The following CPNE7 variants were observed in gnomAD, a reference collection of about 807,000 sequenced individuals.
CPNE7 encodes copine 7.
In CPNE7, 78 loss-of-function variants were observed where a neutral mutation model predicts 66.5. The ratio of observed to expected loss-of-function variants is 1.17; its 90% CI spans 0.98 to 1.42. The LOEUF (loss-of-function observed/expected upper bound fraction) is 1.42. CPNE7 is among the 40% of genes most tolerant of loss of function. CPNE7 has a pLI of 0.00. For synonymous variants in CPNE7, 468 were observed against 336.7 expected (o/e 1.39, Z -4.27); for missense variants, 1,012 against 776.6 (o/e 1.30, Z -3.60).
At chr16:89,576,212 A>T in intron 1 of CPNE7, 141 bp downstream of exon 1, 46 of 548,626 alleles carry the variant, frequency 8.4e-5, no homozygotes, top group East Asian at 1.3e-4. Context: ...GCTCGGGGTC[A>T]GGGTTGGGGG....
chr16:89,577,383 T>C (rs1367489729), intron 1 of CPNE7, among the ~76,000 whole-genome samples, 156 bp from the exon 2 acceptor site: 1 of 152,066 alleles, frequency 6.6e-6, no homozygotes. Flanking sequence ...GCCCTCGGGA[T>C]TGTGGTCCCA....
intron 2 of CPNE7, among the ~76,000 whole-genome samples, chr16:89,580,094 C>CCCA (rs2058927662): frequency 1.7e-5 from 1 of 60,392 alleles, no homozygotes; most frequent in Non-Finnish European, 4.8e-5. Context: ...CACGGAACAT[C>CCCA]TCACCCATCA....
At chr16:89,595,660 C>G (rs568291909) in intron 14 of CPNE7, 57 bp downstream of exon 14, 82 of 1,439,214 alleles carry the variant, frequency 5.7e-5, no homozygotes, top group Middle Eastern at 3.6e-4. Flanking sequence ...GTTCATGTCA[C>G]TGCCCAAGAC....
chr16:89,576,209 G>A lies in CPNE7; in HGVS notation c.174+138G>A, dbSNP rs2058857067. ...CCCCGGAGCTGGGGCTCAGCTCGGG[G>A]TCAGGGTTGGGGGTTACCAGGTCTG... On this transcript the variant is annotated intron_variant, in intron 1 of 14. Coordinates refer to ENST00000319518, the MANE Select transcript of CPNE7 (RefSeq NM_153636.3). 3 of 652,524 alleles carry A rather than the reference G, an allele frequency of 4.6e-6. No homozygotes were observed. The South Asian group carries it at 2.2e-4, about 47-fold the overall frequency. 40.4% of individuals were successfully genotyped at this position (652,524 alleles called of 1,614,324 possible).
At position 89,587,055 on chromosome 16, in the gene CPNE7, T is replaced by A; in HGVS notation, c.880T>A (p.Tyr294Asn). Residue 294 changes from tyrosine to asparagine, a missense_variant, in exon 9 of 15, where the codon TAC (tyrosine) becomes AAC (asparagine). Physicochemically the swap from Tyr to Asn is moderately radical, Grantham distance 143. Transcript: ENST00000319518. ...VLADLKFHRVYSFLDYIMGGC... is the reference protein window; with the variant it reads ...VLADLKFHRVNSFLDYIMGGC... ...CGCCGGCCGGAAGTTCCACAGGGTG[T>A]ACTCCTTCCTGGACTATATCATGGG... The A allele has an allele frequency of 1.3e-6, 2 of 1,580,444 alleles. No homozygotes were observed. Among genetic ancestry groups the A allele is most frequent in the Non-Finnish European group, 8.6e-7 (1 of 1,163,050 alleles).
At chr16:89,589,817 A>T (rs1373826324) in intron 10 of CPNE7, 80 bp from the exon 11 acceptor site, 4 of 1,512,464 alleles carry the variant, frequency 2.6e-6, no homozygotes, top group Non-Finnish European at 2.7e-6. Flanking sequence ...TTTGGGCGCC[A>T]GTCATGTCTC....
chr16:89,589,376 T>C (rs1429025846), intron 10 of CPNE7, among the ~76,000 whole-genome samples: 1 of 152,184 alleles, frequency 6.6e-6, no homozygotes, highest in Non-Finnish European at 1.5e-5. Context: ...TGGGGGGACG[T>C]CTGTGTCCCG....
chr16:89,580,320 A>G lies in CPNE7; in HGVS notation c.357+2599A>G, dbSNP rs569951156. 1.1e-3 allele frequency among the ~76,000 whole-genome samples: 146 copies of G among 133,286 alleles called. 2 individuals carry two copies. Among genetic ancestry groups the G allele is most frequent in the South Asian group, 7.2e-3 (27 of 3,746 alleles). The allele number at this position is 133,286 out of a possible 152,430, so 87.4% of individuals were successfully genotyped here. On this transcript the variant is annotated intron_variant, in intron 2 of 14. Transcript: ENST00000319518. Reference sequence around the variant, plus strand: ...ACATCCCGTCACCCGCTGACACAGAACATCTCACCCGTCACACGGAACATC... The same window carrying G: ...ACATCCCGTCACCCGCTGACACAGAGCATCTCACCCGTCACACGGAACATC...
In CPNE7 at chr16:89,597,158, TGGGGTCTGCGGGGTCTGC is replaced by T. The variant is rs146886923; in HGVS notation, c.*547_*564del. The stretch of plus-strand genomic sequence containing the variant: ...CGTCGGGCCTCTGCACCTGGGTCCA[TGGGGTCTGCGGGGTCTGC>T]GGGGTCTGCCTGGCCTGTGGGTTCT... On this transcript the variant is annotated 3_prime_UTR_variant, in exon 15 of 15. Transcript: ENST00000319518. 0.021 allele frequency: 3,273 copies of T among 153,428 alleles called. 523 individuals are homozygous for T. The East Asian group carries it at 0.45, about 21-fold the overall frequency. 9.5% of individuals were successfully genotyped at this position (153,428 alleles called of 1,614,324 possible).
intron 2 of CPNE7, among the ~76,000 whole-genome samples, chr16:89,578,589 A>C (rs112572691): frequency 6.6e-6 from 1 of 151,548 alleles, no homozygotes; most frequent in Non-Finnish European, 1.5e-5. Context: ...CTGAAACCTC[A>C]TCTCTACAAA....
chr16:89,591,297 G>A, intron 13 of CPNE7, 37 bp downstream of exon 13: 2 of 1,524,460 alleles, frequency 1.3e-6, no homozygotes, highest in Non-Finnish European at 1.8e-6. Context: ...GCTTGGTGTG[G>A]GGTCGGCTGT....
At chr16:89,594,937 C>T (rs2059230033) in intron 13 of CPNE7, among the ~76,000 whole-genome samples, 1 of 152,052 alleles carries the variant, frequency 6.6e-6, no homozygotes, top group Admixed American at 6.6e-5. Flanking sequence ...CAGGCGTGAA[C>T]CACCGCGTCC....
In CPNE7 at chr16:89,584,782, C is replaced by G; in HGVS notation, c.516C>G (p.Phe172Leu). The change falls in exon 5 of 15, where the codon TTC becomes TTG. Residue 172 changes from phenylalanine (F) to leucine (L), a missense_variant. Physicochemically the swap from Phe to Leu is conservative, Grantham distance 22. Transcript: ENST00000319518. The surrounding 1 kb of genome is among the most constrained non-coding windows in gnomAD (Gnocchi z 6.0). ...CTTGTGCCTCTCCCCAGGACCTCTT[C>G]AGCAAGTCCGACCCCTTCCTGGAGC... ...RARKLDDKDL[F>L]SKSDPFLELY... is the part of the protein sequence containing the mutation. 6.2e-7 allele frequency: 1 copy of G among 1,613,374 alleles called. No individual in the cohort carries two copies. Among genetic ancestry groups the G allele is most frequent in the Non-Finnish European group, 8.5e-7 (1 of 1,179,782 alleles).
chr16:89,590,483 C>T (rs1246147275), intron 11 of CPNE7, among the ~76,000 whole-genome samples: 1 of 152,016 alleles, frequency 6.6e-6, no homozygotes, highest in African/African-American at 2.4e-5. Flanking sequence ...TGAGATCGCA[C>T]CACTGCAGTC....
At chr16:89,581,956 C>T (rs2058964666) in intron 2 of CPNE7, among the ~76,000 whole-genome samples, 1 of 152,252 alleles carries the variant, frequency 6.6e-6, no homozygotes, top group African/African-American at 2.4e-5. Context: ...GGACACCTTT[C>T]TATGTACACA....
chr16:89,576,146 G>A, intron 1 of CPNE7, 75 bp downstream of exon 1: 1 of 1,202,104 alleles, frequency 8.3e-7, no homozygotes, highest in Non-Finnish European at 1.0e-6. Context: ...GGAGACCAGA[G>A]CGGGCGCGCT....
At chr16:89,576,861 C>T (rs2058868605) in intron 1 of CPNE7, among the ~76,000 whole-genome samples, 2 of 152,252 alleles carry the variant, frequency 1.3e-5, no homozygotes, top group Non-Finnish European at 2.9e-5. Flanking sequence ...GAAGGGCCTG[C>T]CCCGCCCTCA....
intron 13 of CPNE7, chr16:89,594,042 A>T (rs1404754551): frequency 6.6e-6 from 1 of 152,212 alleles, no homozygotes; most frequent in Admixed American, 6.5e-5. Flanking sequence ...CTGTTGTCTT[A>T]CCCGTGACAT....
rs1216499398 is a variant in CPNE7, at chr16:89,576,027, C to T, written c.130C>T (p.Pro44Ser). The T allele has an allele frequency of 3.7e-6, 5 of 1,343,878 alleles. No individual in the cohort carries two copies. The highest frequency in any genetic ancestry group is 4.8e-6 in the Non-Finnish European group (5 of 1,046,988). 83.2% of individuals were successfully genotyped at this position (1,343,878 alleles called of 1,614,324 possible). ...LDRDPLTKSD[P>S]SVALLQQAQG... ...CCGCGACCCGCTCACCAAGTCCGAC[C>T]CCAGCGTGGCGTTGCTGCAGCAGGC... Residue 44 changes from proline (P) to serine (S), a missense_variant, in exon 1 of 15, where the codon CCC becomes TCC. By Grantham distance (74) the Pro-to-Ser change is moderately conservative. Coordinates refer to ENST00000319518, the MANE Select transcript of CPNE7 (RefSeq NM_153636.3).
Sources: allele counts gnomAD v4.1 joint callset (sites outside exome capture counted in the v4.1 genomes callset), GRCh38; gene constraint gnomAD v4.1.1; non-coding constraint Gnocchi (gnomAD v3.1); transcripts MANE v1.5; gene names NCBI Gene and HGNC (gene_info 2026-07-23, HGNC 2026-07-21).